Variants in TBX5 observed in about 807,000 individuals in gnomAD.
The protein encoded by TBX5 is T-box transcription factor TBX5.
Under a neutral mutation model 51.1 loss-of-function variants are expected in TBX5, and 8 were observed. That is an observed-to-expected ratio of 0.16 (90% CI 0.09 to 0.28). The LOEUF (loss-of-function observed/expected upper bound fraction) is 0.28, where lower values mean the gene tolerates loss of function less well. TBX5 is among the 10% of genes least tolerant of loss of function. The pLI is 1.00. For synonymous variants in TBX5, 302 were observed against 266.4 expected (o/e 1.13, Z -1.30); for missense variants, 589 against 671.7 (o/e 0.88, Z 1.36).
intron 7 of TBX5, among the ~76,000 whole-genome samples, chr12:114,375,913 C>T (rs376119485): frequency 1.3e-5 from 2 of 152,162 alleles, no homozygotes; most frequent in South Asian, 4.2e-4. Flanking sequence ...GGCATGGTGG[C>T]ACGTGCCTGT....
intron 2 of TBX5, 124 bp downstream of exon 2, chr12:114,403,628 G>T: frequency 7.1e-7 from 1 of 1,401,504 alleles, no homozygotes; most frequent in Admixed American, 2.2e-5. Context: ...GATTATAGTC[G>T]TTGGGTTCGT....
At chr12:114,398,523 A>C in intron 5 of TBX5, 50 bp downstream of exon 5, 1 of 1,594,896 alleles carries the variant, frequency 6.3e-7, no homozygotes, top group Non-Finnish European at 8.5e-7. Flanking sequence ...AGAAGAAGGG[A>C]GAGAGGACAA....
chr12:114,403,697 G>T (rs1386515694), intron 2 of TBX5, 55 bp downstream of exon 2: 3 of 1,595,882 alleles, frequency 1.9e-6, no homozygotes, highest in South Asian at 1.1e-5. Context: ...GAGCAGGAAA[G>T]CCAGACTCTG....
chr12:114,355,961 T>C lies in TBX5; in HGVS notation c.1128A>G (p.Gln376=), dbSNP rs2136360039. The C allele has an allele frequency of 6.2e-7, 1 of 1,614,066 alleles. No homozygotes were observed. The highest frequency in any genetic ancestry group is 8.5e-7 in the Non-Finnish European group (1 of 1,180,042). ...ASYRTESAQR[Q]ACMYASSAPP... is the part of the protein sequence containing the mutation. ...GCGCAGAGCTGGCATACATGCAAGC[T>C]TGCCGCTGTGCCGACTCTGTCCTGT... The change falls in exon 9 of 9, where the codon CAA becomes CAG. Residue 376 remains glutamine, a synonymous_variant. Coordinates refer to ENST00000405440, the MANE Select transcript of TBX5 (RefSeq NM_181486.4).
At chr12:114,371,564 C>T (rs898134846) in intron 7 of TBX5, among the ~76,000 whole-genome samples, 10 of 150,216 alleles carry the variant, frequency 6.7e-5, no homozygotes, top group Non-Finnish European at 1.2e-4. Flanking sequence ...TGGCAGGGGG[C>T]GCTGGCATGT....
At chr12:114,361,538 T>C (rs1015510169) in intron 8 of TBX5, among the ~76,000 whole-genome samples, 1 of 152,084 alleles carries the variant, frequency 6.6e-6, no homozygotes, top group African/African-American at 2.4e-5. Flanking sequence ...TTCCCAGCTT[T>C]TTTGGCTCAG....
intron 6 of TBX5, among the ~76,000 whole-genome samples, chr12:114,388,883 C>A (rs1416611775): frequency 6.6e-6 from 1 of 151,434 alleles, no homozygotes; most frequent in Non-Finnish European, 1.5e-5. Flanking sequence ...CACACCCAGC[C>A]CATTTTTGTT....
chr12:114,382,833 T>C (rs142376764), intron 7 of TBX5, among the ~76,000 whole-genome samples: 35 of 151,294 alleles, frequency 2.3e-4, no homozygotes, highest in African/African-American at 7.3e-4. Flanking sequence ...ACATACAAAT[T>C]TAGTTGGGTA....
rs1869164946 is a variant in TBX5 at position 114,360,408 on chromosome 12, A to ATGAATGAGTGGGAGGATTGG, written c.983-4322_983-4303dup. On this transcript the variant is annotated intron_variant, in intron 8 of 8. Transcript: ENST00000405440. ...GGTGGGTGGGTGGATGGATGGATGA[A>ATGAATGAGTGGGAGGATTGG]TGAATGAGTGGGAGGATTGGTGGAT... Among the ~76,000 whole-genome samples the ATGAATGAGTGGGAGGATTGG allele has an allele frequency of 2.0e-5, 3 of 146,376 alleles. No individual in the cohort carries two copies. The South Asian group carries it at 6.7e-4, about 33-fold the overall frequency.
At position 114,355,456 on chromosome 12, in the gene TBX5, G is replaced by A; in HGVS notation, c.*76C>T. On this transcript the variant is annotated 3_prime_UTR_variant, in exon 9 of 9. Transcript: ENST00000405440. ...TGTCCGTGGGGTTCTCTTGGCTACT[G>A]TCTCTCTCCTTCTCTCTCTTTCTCC... The A allele has an allele frequency of 6.4e-7, 1 of 1,560,102 alleles. No homozygotes were observed. Among genetic ancestry groups the A allele is most frequent in the Non-Finnish European group, 8.7e-7 (1 of 1,143,372 alleles).
intron 7 of TBX5, among the ~76,000 whole-genome samples, chr12:114,372,372 A>G (rs919403054): frequency 1.3e-5 from 2 of 152,104 alleles, no homozygotes; most frequent in Admixed American, 6.5e-5. Context: ...TGGCATGAAC[A>G]TAGCTCACGG....
chr12:114,385,457 G>C lies in TBX5; in HGVS notation c.755+19C>G. On this transcript the variant is annotated intron_variant, in intron 7 of 8. Coordinates refer to ENST00000405440, the MANE Select transcript of TBX5 (RefSeq NM_181486.4). Reference sequence around the variant, plus strand: ...AGGGGTATGTGGGGAGGAGAAAGTTGAGGAATCCACTTTCCTACCTTTGCA... The same window carrying C: ...AGGGGTATGTGGGGAGGAGAAAGTTCAGGAATCCACTTTCCTACCTTTGCA... The C allele has an allele frequency of 6.2e-7, 1 of 1,611,878 alleles. No individual in the cohort carries two copies. Among genetic ancestry groups the C allele is most frequent in the Non-Finnish European group, 8.5e-7 (1 of 1,177,968 alleles).
intron 7 of TBX5, among the ~76,000 whole-genome samples, chr12:114,372,791 C>T (rs188362127): frequency 1.2e-3 from 175 of 152,124 alleles, no homozygotes; most frequent in African/African-American, 4.0e-3. Flanking sequence ...GCTCAGGCTC[C>T]GATGTCAGGC....
chr12:114,386,288 C>A (rs1870814187), intron 6 of TBX5, among the ~76,000 whole-genome samples: 2 of 152,080 alleles, frequency 1.3e-5, no homozygotes, highest in Non-Finnish European at 2.9e-5. Flanking sequence ...TGGTTCCAGG[C>A]CCAGAACTTT....
At chr12:114,385,810 A>C (rs961850651) in intron 6 of TBX5, among the ~76,000 whole-genome samples, 2 of 149,940 alleles carry the variant, frequency 1.3e-5, no homozygotes, top group African/African-American at 4.9e-5. Context: ...CATTAATTGG[A>C]GTCATACTCT....
intron 7 of TBX5, among the ~76,000 whole-genome samples, chr12:114,371,851 G>T (rs550064332): frequency 2.8e-4 from 42 of 152,158 alleles, no homozygotes; most frequent in African/African-American, 1.0e-3. Context: ...CACGGACACG[G>T]CAGGGACTGC....
chr12:114,394,624 CG>C (rs1426253293), intron 6 of TBX5, 116 bp downstream of exon 6: 30 of 1,408,416 alleles, frequency 2.1e-5, no homozygotes, highest in Non-Finnish European at 2.8e-5. Context: ...ACCCTGGGGT[CG>C]AAGTTGGTGA....
intron 8 of TBX5, among the ~76,000 whole-genome samples, chr12:114,361,456 G>A (rs1869235255): frequency 6.6e-6 from 1 of 152,168 alleles, no homozygotes; most frequent in Non-Finnish European, 1.5e-5. Flanking sequence ...GGGGTGAGAG[G>A]GAGAAAGACA....
chr12:114,377,204 G>T (rs1310398304), intron 7 of TBX5, among the ~76,000 whole-genome samples: 1 of 152,124 alleles, frequency 6.6e-6, no homozygotes, highest in Non-Finnish European at 1.5e-5. Context: ...CATTAATTGG[G>T]CATTCAGATT....
Sources: gnomAD v4.1 joint callset for allele counts (sites outside exome capture counted in the v4.1 genomes callset) on GRCh38, gnomAD v4.1.1 for gene constraint, MANE v1.5 for transcripts, NCBI Gene and HGNC (gene_info 2026-07-23, HGNC 2026-07-21) for gene names.